TCP11L2: variants seen among roughly 807,000 people sequenced by gnomAD.
The protein encoded by TCP11L2 is T-complex protein 11-like protein 2.
Under a neutral mutation model 50.7 loss-of-function variants are expected in TCP11L2, and 39 were observed. The observed-to-expected ratio is 0.77, with a 90% CI of 0.60 to 1.01. The LOEUF (loss-of-function observed/expected upper bound fraction) is 1.01, where lower values mean the gene tolerates loss of function less well. Among genes scored for constraint, TCP11L2 ranks in the 50% least tolerant of loss-of-function variants. The pLI is 0.00. For missense variants in TCP11L2, 612 were observed against 614.7 expected (o/e 1.00, Z 0.05); for synonymous variants, 192 against 219.3 (o/e 0.88, Z 1.10).
chr12:106,301,566 TTTG>T (rs1194909745), upstream of TCP11L2, among the ~76,000 whole-genome samples: 12 of 152,298 alleles, frequency 7.9e-5, no homozygotes, highest in Middle Eastern at 3.4e-3. Flanking sequence ...TTGCCTGTTG[TTTG>T]TTGTTGTTGT....
chr12:106,303,000 G>A (rs2034479165), intron 1 of TCP11L2, 59 bp downstream of exon 1: 1 of 152,452 alleles, frequency 6.6e-6, no homozygotes, highest in Non-Finnish European at 1.5e-5. Context: ...CAGGTCCAAC[G>A]GAGGGGACAC....
chr12:106,304,197 G>A (rs2136583988), intron 1 of TCP11L2: 1 of 152,480 alleles, frequency 6.6e-6, no homozygotes, highest in Non-Finnish European at 1.5e-5. Context: ...ATGCCATTTT[G>A]TGAGAGGTTG....
At chr12:106,300,322 G>A (rs949801972), upstream of TCP11L2, among the ~76,000 whole-genome samples, 7 of 151,974 alleles carry the variant, frequency 4.6e-5, no homozygotes, top group African/African-American at 1.7e-4. Flanking sequence ...TTTTTTCAAA[G>A]TGTTGTTTTT....
chr12:106,316,183 G>T (rs112495173), intron 3 of TCP11L2, among the ~76,000 whole-genome samples: 350 of 152,292 alleles, frequency 2.3e-3, no homozygotes, highest in African/African-American at 7.8e-3. Context: ...GTCATCTGTG[G>T]CCTGGACCCT....
intron 9 of TCP11L2, among the ~76,000 whole-genome samples, chr12:106,342,087 T>C (rs1390176178): frequency 6.6e-6 from 1 of 152,124 alleles, no homozygotes; most frequent in Non-Finnish European, 1.5e-5. Flanking sequence ...ACTACAGAGG[T>C]TGAAGGATGA....
At chr12:106,320,102 G>GAA (rs1194085459) in intron 4 of TCP11L2, among the ~76,000 whole-genome samples, 3 of 152,058 alleles carry the variant, frequency 2.0e-5, no homozygotes, top group African/African-American at 7.2e-5. Context: ...ATGTTGATGA[G>GAA]AAAAAAGATA....
chr12:106,316,187 G>A lies in TCP11L2; in HGVS notation c.293+1694G>A, dbSNP rs375849688. 2.6e-5 allele frequency among the ~76,000 whole-genome samples: 4 copies of A among 152,264 alleles called. No homozygotes were observed. The East Asian group carries it at 7.7e-4, about 29-fold the overall frequency. Reference sequence around the variant, plus strand: ...GCTAGGCCACCGTCATCTGTGGCCTGGACCCTTTCAGTCCTAACTGGTTGC... The same window carrying A: ...GCTAGGCCACCGTCATCTGTGGCCTAGACCCTTTCAGTCCTAACTGGTTGC... On this transcript the variant is annotated intron_variant, in intron 3 of 9. Transcript: ENST00000299045.
At chr12:106,311,304 A>C in intron 2 of TCP11L2, 72 bp downstream of exon 2, 4 of 1,541,264 alleles carry the variant, frequency 2.6e-6, no homozygotes, top group Non-Finnish European at 3.5e-6. Context: ...TTGAAAACTC[A>C]GAAACGCCTG....
upstream of TCP11L2, among the ~76,000 whole-genome samples, chr12:106,298,691 T>G (rs545263085): frequency 3.3e-5 from 5 of 151,546 alleles, no homozygotes; most frequent in African/African-American, 1.2e-4. Flanking sequence ...CCAACTAATT[T>G]TTTGTATTTT....
At chr12:106,306,628 T>C (rs2034642809) in intron 1 of TCP11L2, among the ~76,000 whole-genome samples, 1 of 152,234 alleles carries the variant, frequency 6.6e-6, no homozygotes, top group Non-Finnish European at 1.5e-5. Flanking sequence ...CAACCTTTCT[T>C]TGTTTTTTAT....
chr12:106,314,368 T>G lies in TCP11L2; in HGVS notation c.168T>G (p.Pro56=). The change falls in exon 3 of 10, where the codon CCT becomes CCG. Residue 56 remains proline (P), a synonymous_variant. Coordinates refer to ENST00000299045, the MANE Select transcript of TCP11L2 (RefSeq NM_152772.3). The part of the protein sequence containing the change: ...SKSSSPASTS[P]PRVVTFDEVM... ...TTGTTTTTCTTTCAGCAACAAGCCC[T>G]CCAAGGGTTGTAACATTTGATGAAG... 1 of 1,609,280 alleles carries G rather than the reference T, an allele frequency of 6.2e-7. No individual in the cohort carries two copies. Among genetic ancestry groups the G allele is most frequent in the Non-Finnish European group, 8.5e-7 (1 of 1,175,908 alleles).
intron 5 of TCP11L2, among the ~76,000 whole-genome samples, chr12:106,323,075 A>G (rs1360774776): frequency 2.0e-5 from 3 of 152,178 alleles, no homozygotes; most frequent in Non-Finnish European, 4.4e-5. Context: ...TATGCCCACA[A>G]ATCTGGCCAG....
intron 3 of TCP11L2, among the ~76,000 whole-genome samples, chr12:106,316,457 C>T (rs1210947190): frequency 6.6e-6 from 1 of 152,126 alleles, no homozygotes; most frequent in East Asian, 1.9e-4. Flanking sequence ...TTCCTTACCT[C>T]AGGGTTCACC....
rs779166835 is a variant in TCP11L2, at chr12:106,321,536, CTG to C, written c.468_469del (p.Cys156Ter). 1.9e-6 allele frequency: 3 copies of C among 1,614,224 alleles called. No individual in the cohort carries two copies. The highest frequency in any genetic ancestry group is 1.7e-6 in the Non-Finnish European group (2 of 1,180,046). Reference protein sequence around the residue: ...PGGNRLRNQICEVLDTDLIRQ... With the variant: ...PGGNRLRNQIXEVLDTDLIRQ... ...GTGGCAACCGGCTTCGCAACCAAAT[CTG>C]TGAAGTTTTGGACACAGACCTCATT... On this transcript the variant is annotated frameshift_variant, in exon 5 of 10. Transcript: ENST00000299045. LOFTEE classifies it high-confidence loss of function.
Position 106,309,189 on chromosome 12 carries a change from G to A in TCP11L2, c.-35-1852G>A, listed in dbSNP as rs2034752916. ...TTAGGATTTGGGGTTTGGTGGCAGT[G>A]AAAGGTTTGAAGTAGCCCCTTTTCT... On this transcript the variant is annotated intron_variant, in intron 1 of 9. Transcript: ENST00000299045. Among the ~76,000 whole-genome samples, 3 of 152,226 alleles carry A rather than the reference G, an allele frequency of 2.0e-5. No individual in the cohort carries two copies. The South Asian group carries it at 6.2e-4, about 32-fold the overall frequency.
chr12:106,342,793 C>G (rs1007174690), intron 9 of TCP11L2, among the ~76,000 whole-genome samples: 2 of 152,196 alleles, frequency 1.3e-5, no homozygotes, highest in East Asian at 3.9e-4. Context: ...CCTAACTGCT[C>G]TGACTGGCAC....
intron 5 of TCP11L2, 49 bp downstream of exon 5, chr12:106,321,755 C>CAGAAGGGA (rs2035347897): frequency 6.5e-7 from 1 of 1,537,936 alleles, no homozygotes; most frequent in Admixed American, 1.7e-5. Context: ...TGAGTTCATT[C>CAGAAGGGA]AGAAGGGAAG....
rs554592475 is a variant in TCP11L2 at position 106,343,505 on chromosome 12, C to T, written c.1315+2507C>T. On this transcript the variant is annotated intron_variant, in intron 9 of 9. Transcript: ENST00000299045. ...TGCTTTCTTTTGTTCTCAGTTGATGCGCTATTTATTTACTGAAGGGATCAT... is the reference window on the plus strand; with the variant it reads ...TGCTTTCTTTTGTTCTCAGTTGATGTGCTATTTATTTACTGAAGGGATCAT... Among the ~76,000 whole-genome samples, 5 of 152,190 alleles carry T rather than the reference C, an allele frequency of 3.3e-5. No homozygotes were observed. In the East Asian group the frequency reaches 5.8e-4, roughly 18 times the overall value.
At chr12:106,299,665 T>G (rs10861573), upstream of TCP11L2, among the ~76,000 whole-genome samples, 104,399 of 152,032 alleles carry the variant, frequency 0.69, 36,934 homozygotes, top group African/African-American at 0.86. Context: ...ATAAACACAG[T>G]AAGAGAAGCC....
Sources: gnomAD v4.1 joint callset for allele counts (sites outside exome capture counted in the v4.1 genomes callset) on GRCh38, gnomAD v4.1.1 for gene constraint, MANE v1.5 for transcripts, NCBI Gene and HGNC (gene_info 2026-07-23, HGNC 2026-07-21) for gene names.